The following NHLRC2 variants were observed in gnomAD, a reference collection of about 807,000 sequenced individuals.
NHLRC2 encodes the protein NHL repeat containing 2, also known as NHL repeat-containing protein 2.
In NHLRC2, 33 loss-of-function variants were observed where a neutral mutation model predicts 68.1. The ratio of observed to expected loss-of-function variants is 0.48; its 90% confidence interval spans 0.37 to 0.65. NHLRC2 has a LOEUF of 0.65. Among genes scored for constraint, NHLRC2 ranks in the 30% least tolerant of loss-of-function variants. The probability of loss-of-function intolerance (pLI) is 0.00; values close to 1 mark genes in which losing one functional copy is unlikely to be tolerated. For missense variants in NHLRC2, 761 were observed against 853.8 expected (o/e 0.89, Z 1.35); for synonymous variants, 311 against 309.6 (o/e 1.00, Z -0.05).
chr10:113,904,931 A>T lies in NHLRC2; in HGVS notation c.1819A>T (p.Thr607Ser). Residue 607 changes from threonine to serine, a missense_variant, in exon 10 of 11, where the codon ACT becomes TCT. Transcript: ENST00000369301. ...TCCAAGCATTAGGCTTTCCCCCGTG[A>T]CTGCGTGTGCTGGCCAGACTCTTCA... Reference protein sequence around the residue: ...SAPSIRLSPVTACAGQTLQFK... With the variant: ...SAPSIRLSPVSACAGQTLQFK... The T allele has an allele frequency of 6.2e-7, 1 of 1,605,502 alleles. No homozygotes were observed. Among genetic ancestry groups the T allele is most frequent in the Non-Finnish European group, 8.5e-7 (1 of 1,176,842 alleles).
intron 2 of NHLRC2, among the ~76,000 whole-genome samples, chr10:113,875,799 G>C (rs1034120821): frequency 6.6e-6 from 1 of 152,068 alleles, no homozygotes; most frequent in African/African-American, 2.4e-5. Flanking sequence ...TCATCTTGCA[G>C]GTTTGAGTAG....
At chr10:113,883,512 G>T (rs1846054115) in intron 4 of NHLRC2, among the ~76,000 whole-genome samples, 1 of 151,926 alleles carries the variant, frequency 6.6e-6, no homozygotes, top group Admixed American at 6.6e-5. Flanking sequence ...CATCTCAGTG[G>T]TAGGTATATG....
At chr10:113,861,440 GAATCTTCAAT>G (rs1845815184) in intron 2 of NHLRC2, among the ~76,000 whole-genome samples, 1 of 152,104 alleles carries the variant, frequency 6.6e-6, no homozygotes, top group African/African-American at 2.4e-5. Flanking sequence ...CACATACAAG[GAATCTTCAAT>G]AATCAGCTGA....
At chr10:113,886,104 C>G (rs1846080449) in intron 5 of NHLRC2, among the ~76,000 whole-genome samples, 1 of 151,682 alleles carries the variant, frequency 6.6e-6, no homozygotes, top group Non-Finnish European at 1.5e-5. Flanking sequence ...AGTGAACTAT[C>G]CAAAAAGGAA....
chr10:113,882,145 A>T (rs933077504), intron 4 of NHLRC2, among the ~76,000 whole-genome samples: 6 of 151,772 alleles, frequency 4.0e-5, no homozygotes, highest in African/African-American at 1.4e-4. Flanking sequence ...TTGGGCTGTT[A>T]TGAATAATCT....
At chr10:113,872,803 T>C (rs1309562084) in intron 2 of NHLRC2, among the ~76,000 whole-genome samples, 1 of 145,274 alleles carries the variant, frequency 6.9e-6, no homozygotes, top group Non-Finnish European at 1.5e-5. Flanking sequence ...AAAAAAATGA[T>C]TGAATTGGAA....
chr10:113,870,509 A>G (rs1252962039), intron 2 of NHLRC2, among the ~76,000 whole-genome samples: 1 of 152,214 alleles, frequency 6.6e-6, no homozygotes, highest in Non-Finnish European at 1.5e-5. Flanking sequence ...GTACTCCGCT[A>G]TATGTGTGCC....
chr10:113,855,781 G>A (rs1845748745), intron 1 of NHLRC2, among the ~76,000 whole-genome samples: 1 of 152,192 alleles, frequency 6.6e-6, no homozygotes, highest in Non-Finnish European at 1.5e-5. Context: ...TTACAGGCGT[G>A]AGCCACCGCG....
rs964144740 is a variant in NHLRC2, at chr10:113,866,772, T to C, written c.331+8092T>C. ...TCCACCCCCGGCTCCTTCACCAGGT[T>C]TGATAGTTTTCATTAGGAGTACTCA... On this transcript the variant is annotated intron_variant, in intron 2 of 10. Coordinates refer to ENST00000369301, the MANE Select transcript of NHLRC2 (RefSeq NM_198514.4). Among the ~76,000 whole-genome samples, 12 of 151,766 alleles carry C rather than the reference T, an allele frequency of 7.9e-5. No individual in the cohort carries two copies. The South Asian group carries it at 8.3e-4, about 11-fold the overall frequency.
At chr10:113,902,651 T>G (rs752017407) in intron 8 of NHLRC2, 58 bp downstream of exon 8, 1 of 1,494,168 alleles carries the variant, frequency 6.7e-7, no homozygotes, top group Admixed American at 1.9e-5. Flanking sequence ...TTTAAAATGC[T>G]GAAAGATCTG....
In NHLRC2 at chr10:113,902,603, G is replaced by T; in HGVS notation, c.1494+10G>T. On this transcript the variant is annotated intron_variant, in intron 8 of 10. Coordinates refer to ENST00000369301, the MANE Select transcript of NHLRC2 (RefSeq NM_198514.4). ...CTCCTACAATCACAAGGTGAGTCGT[G>T]ACAGAATTATATAATATCTTGCTTT... The T allele has an allele frequency of 1.3e-6, 2 of 1,598,094 alleles. No individual in the cohort carries two copies. Among genetic ancestry groups the T allele is most frequent in the South Asian group, 2.3e-5 (2 of 87,928 alleles).
rs1846019044 is a variant in NHLRC2, at chr10:113,879,647, G to C, written c.861G>C (p.Met287Ile). The C allele has an allele frequency of 6.4e-7, 1 of 1,563,056 alleles. No homozygotes were observed. The highest frequency in any genetic ancestry group is 8.8e-7 in the Non-Finnish European group (1 of 1,141,334). The change falls in exon 4 of 11, where the codon ATG becomes ATC. Residue 287 changes from methionine (M) to isoleucine (I), a missense_variant. Physicochemically the swap from Met to Ile is conservative, Grantham distance 10. Coordinates refer to ENST00000369301, the MANE Select transcript of NHLRC2 (RefSeq NM_198514.4). ...ATTCTCCACAGGGTGTAGCCATAATGAATAATATCATATATGTGGCAGACA... is the reference window on the plus strand; with the variant it reads ...ATTCTCCACAGGGTGTAGCCATAATCAATAATATCATATATGTGGCAGACA... ...TFNSPQGVAI[M>I]NNIIYVADTE...
At chr10:113,873,544 A>G (rs1402589223) in intron 2 of NHLRC2, among the ~76,000 whole-genome samples, 1 of 152,156 alleles carries the variant, frequency 6.6e-6, no homozygotes, top group Non-Finnish European at 1.5e-5. Flanking sequence ...CAACCTACCT[A>G]AGTTTACTAA....
chr10:113,886,631 G>C (rs1407127257), intron 5 of NHLRC2, among the ~76,000 whole-genome samples: 3 of 152,114 alleles, frequency 2.0e-5, no homozygotes, highest in Non-Finnish European at 1.5e-5. Context: ...CACACAATGA[G>C]GAAAGGACAA....
chr10:113,908,673 T>A lies in NHLRC2; in HGVS notation c.*137T>A. The stretch of plus-strand genomic sequence containing the variant: ...ATTGCTCAGTTCAGACAACTGATAT[T>A]AAAATAAAGCTATGCTCCTTACTTA... On this transcript the variant is annotated 3_prime_UTR_variant, in exon 11 of 11. Coordinates refer to ENST00000369301, the MANE Select transcript of NHLRC2 (RefSeq NM_198514.4). 1.4e-6 allele frequency: 1 copy of A among 738,786 alleles called. No individual in the cohort carries two copies. Among genetic ancestry groups the A allele is most frequent in the Non-Finnish European group, 2.2e-6 (1 of 457,632 alleles). The allele number at this position is 738,786 out of a possible 1,614,324, so 45.8% of individuals were successfully genotyped here.
At chr10:113,885,387 G>A (rs1376436385) in intron 5 of NHLRC2, among the ~76,000 whole-genome samples, 2 of 151,916 alleles carry the variant, frequency 1.3e-5, no homozygotes, top group Non-Finnish European at 3.0e-5. Context: ...GAAGGGGATA[G>A]TATAGTAGGA....
chr10:113,879,757 CAT>C, intron 4 of NHLRC2, 62 bp downstream of exon 4: 1 of 1,095,566 alleles, frequency 9.1e-7, no homozygotes, highest in Non-Finnish European at 1.3e-6. Context: ...GTATTTGCTA[CAT>C]TAAATATTTG....
In NHLRC2 at chr10:113,873,111, A is replaced by G. The variant is rs1184760418; in HGVS notation, c.332-3410A>G. Reference sequence around the variant, plus strand: ...TCACAAATAACGTACAAAGCAAGGCAACAGTAGAGTGACATTTCAGGAATC... The same window carrying G: ...TCACAAATAACGTACAAAGCAAGGCGACAGTAGAGTGACATTTCAGGAATC... On this transcript the variant is annotated intron_variant, in intron 2 of 10. Transcript: ENST00000369301. Among the ~76,000 whole-genome samples the G allele has an allele frequency of 2.0e-5, 3 of 152,238 alleles. No individual in the cohort carries two copies. The East Asian group carries it at 5.8e-4, about 29-fold the overall frequency.
intron 5 of NHLRC2, among the ~76,000 whole-genome samples, chr10:113,888,882 A>G (rs1389035853): frequency 1.4e-5 from 2 of 145,988 alleles, no homozygotes; most frequent in East Asian, 2.0e-4. Context: ...GCTGGAGTGC[A>G]GTGACGTGAT....
Sources: allele counts gnomAD v4.1 joint callset (sites outside exome capture counted in the v4.1 genomes callset), GRCh38; gene constraint gnomAD v4.1.1; transcripts MANE v1.5; gene names NCBI Gene and HGNC (gene_info 2026-07-23, HGNC 2026-07-21).